The following SCHIP1 variants were observed in gnomAD, a reference collection of about 807,000 sequenced individuals.
The protein encoded by SCHIP1 is schwannomin interacting protein 1, also known as schwannomin-interacting protein 1.
In SCHIP1, 8 loss-of-function variants were observed where a neutral mutation model predicts 29.7. That is an observed-to-expected ratio of 0.27 (90% CI 0.16 to 0.49). The LOEUF is 0.49. Ranked by LOEUF, SCHIP1 falls within the 20% of genes least tolerant of loss-of-function variation. The pLI, the probability that SCHIP1 is intolerant of heterozygous loss-of-function variation, is 0.99. For missense variants in SCHIP1, 193 were observed against 294.6 expected, an observed-to-expected ratio of 0.66 and a Z score of 2.52; for synonymous variants, 76 against 94.9, an observed-to-expected ratio of 0.80 and a Z score of 1.16.
At chr3:159,738,786 CTGTG>C in the SCHIP1 span, among the ~76,000 whole-genome samples, 1 of 152,040 alleles carries the variant, frequency 6.6e-6, no homozygotes, top group Admixed American at 6.5e-5. Context: ...GAGAGAGAAA[CTGTG>C]TGTATTTGTG....
the SCHIP1 span, among the ~76,000 whole-genome samples, chr3:159,405,880 C>CAAAAAA: frequency 1.3e-5 from 1 of 75,228 alleles, no homozygotes; most frequent in African/African-American, 3.7e-5. Context: ...GAGACTCTGT[C>CAAAAAA]AAAAAAAAAA....
rs374267384 is a variant in SCHIP1, at chr3:159,864,578, T to C, written c.31-1585T>C. Among the ~76,000 whole-genome samples, 45 of 151,836 alleles carry C rather than the reference T, an allele frequency of 3.0e-4. No individual in the cohort carries two copies. In the South Asian group the frequency reaches 5.8e-3, roughly 20 times the overall value. The stretch of plus-strand genomic sequence containing the variant: ...ATGCTAAAAGGGGGTGCTATATATA[T>C]AGACAGAGATAATCACTAAGTGTGT... On this transcript the variant is annotated intron_variant, in intron 1 of 6. Coordinates refer to ENST00000445224, the Ensembl canonical transcript of SCHIP1.
the SCHIP1 span, among the ~76,000 whole-genome samples, chr3:159,587,528 G>A: frequency 1.3e-5 from 2 of 152,140 alleles, no homozygotes; most frequent in African/African-American, 4.8e-5. Context: ...GTGCAGGTTT[G>A]TTACATATGT....
chr3:159,394,040 AGTTGGATTCCTAGGTATTTTATTCT>A, the SCHIP1 span, among the ~76,000 whole-genome samples: 1 of 151,750 alleles, frequency 6.6e-6, no homozygotes, highest in South Asian at 2.1e-4. Flanking sequence ...ATCCCTTGTA[AGTTGGATTCCTAGGTATTTTATTCT>A]CTTTGAAGCA....
the SCHIP1 span, among the ~76,000 whole-genome samples, chr3:159,435,667 GTTC>G: frequency 6.6e-6 from 1 of 152,144 alleles, no homozygotes; most frequent in Non-Finnish European, 1.5e-5. Context: ...TGTAAATGTA[GTTC>G]TTCATTAATC....
the SCHIP1 span, among the ~76,000 whole-genome samples, chr3:159,415,364 C>T: frequency 2.8e-3 from 425 of 152,150 alleles, 1 homozygote; most frequent in African/African-American, 9.8e-3. Flanking sequence ...CATCATATCA[C>T]GGGGGTTTGT....
the SCHIP1 span, among the ~76,000 whole-genome samples, chr3:159,479,403 G>A: frequency 6.6e-6 from 1 of 152,110 alleles, no homozygotes; most frequent in Non-Finnish European, 1.5e-5. Flanking sequence ...TGGAACATAT[G>A]CAAGAAGGAT....
At chr3:159,669,623 T>C in the SCHIP1 span, among the ~76,000 whole-genome samples, 1 of 152,226 alleles carries the variant, frequency 6.6e-6, no homozygotes, top group East Asian at 1.9e-4. Flanking sequence ...GGTCACAGAC[T>C]CTTTTCATTT....
the SCHIP1 span, among the ~76,000 whole-genome samples, chr3:159,790,006 G>A: frequency 6.6e-6 from 1 of 152,152 alleles, no homozygotes; most frequent in Non-Finnish European, 1.5e-5. Flanking sequence ...TTTAATTGCT[G>A]CAACCGCTCC....
At chr3:159,800,833 G>A in the SCHIP1 span, among the ~76,000 whole-genome samples, 7 of 151,170 alleles carry the variant, frequency 4.6e-5, no homozygotes, top group East Asian at 1.3e-3. Flanking sequence ...CACAAATGGA[G>A]AGTGAAAGTG....
intron 2 of SCHIP1, among the ~76,000 whole-genome samples, chr3:159,876,390 A>C (rs938159424): frequency 1.3e-5 from 2 of 152,116 alleles, no homozygotes; most frequent in South Asian, 4.1e-4. Context: ...GCACTTACTA[A>C]TGGCTTCACT....
At chr3:159,714,012 G>C in the SCHIP1 span, among the ~76,000 whole-genome samples, 1 of 152,170 alleles carries the variant, frequency 6.6e-6, no homozygotes, top group Admixed American at 6.5e-5. Flanking sequence ...CAAGGTGGGT[G>C]GATCACTTGA....
At chr3:159,866,810 A>G (rs751323642) in intron 2 of SCHIP1, among the ~76,000 whole-genome samples, 2 of 152,172 alleles carry the variant, frequency 1.3e-5, no homozygotes, top group African/African-American at 2.4e-5. Flanking sequence ...ACTCTTTATC[A>G]TAATTTATTT....
At chr3:159,292,240 G>A in the SCHIP1 span, among the ~76,000 whole-genome samples, 1 of 151,968 alleles carries the variant, frequency 6.6e-6, no homozygotes, top group African/African-American at 2.4e-5. Context: ...AGGAGGGAAG[G>A]CAGAGAAAGA....
the SCHIP1 span, among the ~76,000 whole-genome samples, chr3:159,682,987 G>T: frequency 6.6e-6 from 1 of 152,156 alleles, no homozygotes; most frequent in Admixed American, 6.5e-5. Context: ...ATTAGGGATG[G>T]TGTTAAAAAT....
the SCHIP1 span, among the ~76,000 whole-genome samples, chr3:159,393,287 T>C: frequency 2.0e-5 from 3 of 152,230 alleles, no homozygotes; most frequent in South Asian, 2.1e-4. Flanking sequence ...GATGGTAGTT[T>C]CTTTTGCTGT....
At chr3:159,286,824 G>C in the SCHIP1 span, among the ~76,000 whole-genome samples, 2 of 152,172 alleles carry the variant, frequency 1.3e-5, no homozygotes, top group African/African-American at 4.8e-5. Context: ...CTAATGATTA[G>C]TGATGCAGCA....
At chr3:159,472,333 C>G in the SCHIP1 span, among the ~76,000 whole-genome samples, 1 of 152,136 alleles carries the variant, frequency 6.6e-6, no homozygotes, top group Non-Finnish European at 1.5e-5. Flanking sequence ...TCCTAAGACC[C>G]TGTTGTGTGA....
the SCHIP1 span, among the ~76,000 whole-genome samples, chr3:159,676,022 T>C: frequency 1.3e-5 from 2 of 152,118 alleles, no homozygotes; most frequent in Non-Finnish European, 2.9e-5. Flanking sequence ...TCCCAGCTAC[T>C]CAGGAGGCTG....
Sources: gnomAD v4.1 joint callset for allele counts (sites outside exome capture counted in the v4.1 genomes callset) on GRCh38, gnomAD v4.1.1 for gene constraint, MANE v1.5 for transcripts, NCBI Gene and HGNC (gene_info 2026-07-23, HGNC 2026-07-21) for gene names.